FSIP1: variants seen among roughly 807,000 people sequenced by gnomAD.
FSIP1 encodes fibrous sheath-interacting protein 1.
A neutral mutation model predicts 60.9 loss-of-function variants in FSIP1; 65 were observed. The observed-to-expected ratio is 1.07, with a 90% CI of 0.87 to 1.31. The LOEUF (loss-of-function observed/expected upper bound fraction) is 1.31. FSIP1 is among the 40% of genes most tolerant of loss of function. FSIP1 has a pLI of 0.00. For missense variants in FSIP1, 675 were observed against 665.5 expected (o/e 1.01, Z -0.16); for synonymous variants, 209 against 221.2 (o/e 0.94, Z 0.49).
intron 4 of FSIP1, among the ~76,000 whole-genome samples, chr15:39,764,976 A>C (rs1025138407): frequency 6.6e-6 from 1 of 152,212 alleles, no homozygotes; most frequent in Non-Finnish European, 1.5e-5. Context: ...GGAGGGGCCC[A>C]GCACTTTACC....
At chr15:39,725,661 C>T (rs1415594753) in intron 9 of FSIP1, among the ~76,000 whole-genome samples, 3 of 152,206 alleles carry the variant, frequency 2.0e-5, no homozygotes, top group Admixed American at 6.5e-5. Context: ...AGGGTTATTA[C>T]TCTCTTATGC....
At chr15:39,611,325 TA>T (rs1388761022) in intron 11 of FSIP1, among the ~76,000 whole-genome samples, 3 of 152,204 alleles carry the variant, frequency 2.0e-5, no homozygotes, top group African/African-American at 7.2e-5. Context: ...TGTTTTTTTT[TA>T]TTTTTTAAGG....
At chr15:39,694,691 T>C (rs1041445835) in intron 10 of FSIP1, among the ~76,000 whole-genome samples, 1 of 151,960 alleles carries the variant, frequency 6.6e-6, no homozygotes, top group Middle Eastern at 3.4e-3. Context: ...TCCCAGCTAC[T>C]CAGGAGGCCG....
At position 39,777,980 on chromosome 15, in the gene FSIP1, C is replaced by T. The variant is rs150245878; in HGVS notation, c.-7-1449G>A. Among the ~76,000 whole-genome samples the T allele has an allele frequency of 4.7e-3, 712 of 152,322 alleles. 5 individuals are homozygous for T. The highest frequency in any genetic ancestry group is 7.3e-3 in the Non-Finnish European group (494 of 68,034). On this transcript the variant is annotated intron_variant, in intron 1 of 11. Coordinates refer to ENST00000350221, the MANE Select transcript of FSIP1 (RefSeq NM_152597.5). ...CACCTAGGTACACAGAGCGATGTTA[C>T]GGCTTGGCTTCCAACCATTCAAGGT...
At chr15:39,638,084 T>C (rs980887231) in intron 10 of FSIP1, among the ~76,000 whole-genome samples, 3 of 152,248 alleles carry the variant, frequency 2.0e-5, no homozygotes, top group African/African-American at 7.2e-5. Context: ...TCCCTCATTC[T>C]TTTTTCTGCC....
chr15:39,714,362 A>G (rs1895652593), intron 9 of FSIP1, among the ~76,000 whole-genome samples: 1 of 151,898 alleles, frequency 6.6e-6, no homozygotes, highest in South Asian at 2.1e-4. Flanking sequence ...TCTAAGATTA[A>G]ACTTCCTTTC....
chr15:39,769,380 T>C (rs1897805456), intron 3 of FSIP1, among the ~76,000 whole-genome samples: 1 of 152,136 alleles, frequency 6.6e-6, no homozygotes, highest in South Asian at 2.1e-4. Flanking sequence ...AAAGCTCAAA[T>C]TTTACCATTG....
chr15:39,687,242 C>T (rs749061376), intron 10 of FSIP1, among the ~76,000 whole-genome samples: 2 of 143,834 alleles, frequency 1.4e-5, no homozygotes, highest in Admixed American at 1.5e-4. Flanking sequence ...GCAACCTCTG[C>T]CTCCTGGGTT....
At chr15:39,706,020 T>G (rs1175349692) in intron 10 of FSIP1, among the ~76,000 whole-genome samples, 1 of 151,646 alleles carries the variant, frequency 6.6e-6, no homozygotes, top group Admixed American at 6.6e-5. Flanking sequence ...AAAAAAAATC[T>G]TCTAAAAGTC....
chr15:39,776,362 G>C (rs778679391), intron 2 of FSIP1, 37 bp downstream of exon 2: 2 of 1,596,292 alleles, frequency 1.3e-6, no homozygotes. Flanking sequence ...TGAGAGGTTG[G>C]GGAAAGGAGT....
intron 10 of FSIP1, among the ~76,000 whole-genome samples, chr15:39,679,415 C>T (rs16969554): frequency 1.3e-5 from 2 of 152,026 alleles, no homozygotes; most frequent in Admixed American, 1.3e-4. Context: ...ACTATTCAGC[C>T]GAGACAACCT....
chr15:39,782,600 C>T (rs1898313993), intron 1 of FSIP1, 28 bp downstream of exon 1: 1 of 152,806 alleles, frequency 6.5e-6, no homozygotes, highest in African/African-American at 2.4e-5. Flanking sequence ...CGCGACCGAG[C>T]TCCGCCCTCA....
At chr15:39,602,647 A>C (rs1031285408) in intron 11 of FSIP1, among the ~76,000 whole-genome samples, 3 of 152,202 alleles carry the variant, frequency 2.0e-5, no homozygotes, top group Non-Finnish European at 4.4e-5. Flanking sequence ...GTGGATCACA[A>C]TACCCCCATG....
chr15:39,751,502 A>G (rs12907894), intron 5 of FSIP1, among the ~76,000 whole-genome samples: 44,421 of 151,306 alleles, frequency 0.29, 7,272 homozygotes, highest in Non-Finnish European at 0.38. Flanking sequence ...TTTTGCCACA[A>G]CATGGGTAGA....
intron 1 of FSIP1, among the ~76,000 whole-genome samples, chr15:39,780,335 T>C (rs984661735): frequency 1.1e-4 from 17 of 152,220 alleles, no homozygotes; most frequent in South Asian, 4.1e-4. Context: ...ACACCCTGGC[T>C]AACACGGTGA....
In FSIP1 at chr15:39,763,895, G is replaced by A; in HGVS notation, c.485C>T (p.Ala162Val). Residue 162 changes from alanine (A) to valine (V), a missense_variant, in exon 5 of 12, where the codon GCT becomes GTT. Ala to Val is a moderately conservative substitution (Grantham distance 64). Coordinates refer to ENST00000350221, the MANE Select transcript of FSIP1 (RefSeq NM_152597.5). The stretch of plus-strand genomic sequence containing the variant: ...TTCCATCTCCTCTTTACTTTGCCAA[G>A]CTTCACTATATTTTGCAGACTAATG... Reference protein sequence around the residue: ...EEIKSAKYSEAWQSKEEMENT... With the variant: ...EEIKSAKYSEVWQSKEEMENT... The A allele has an allele frequency of 6.3e-7, 1 of 1,588,658 alleles. No homozygotes were observed.
At chr15:39,743,614 G>C (rs541853072) in intron 5 of FSIP1, among the ~76,000 whole-genome samples, 1 of 152,050 alleles carries the variant, frequency 6.6e-6, no homozygotes, top group African/African-American at 2.4e-5. Context: ...GGAATAATAG[G>C]ATAATAGCCT....
intron 10 of FSIP1, among the ~76,000 whole-genome samples, chr15:39,672,624 G>T (rs1482766210): frequency 1.3e-5 from 2 of 152,044 alleles, no homozygotes; most frequent in African/African-American, 4.8e-5. Flanking sequence ...ATTTGATGGC[G>T]ATATAATAAT....
intron 10 of FSIP1, among the ~76,000 whole-genome samples, chr15:39,658,378 T>C (rs538950142): frequency 6.6e-6 from 1 of 151,544 alleles, no homozygotes; most frequent in African/African-American, 2.4e-5. Flanking sequence ...GCCTCCTGAG[T>C]AGCTGGGATT....
Sources: gnomAD v4.1 joint callset for allele counts (sites outside exome capture counted in the v4.1 genomes callset) on GRCh38, gnomAD v4.1.1 for gene constraint, MANE v1.5 for transcripts, NCBI Gene and HGNC (gene_info 2026-07-23, HGNC 2026-07-21) for gene names.